NAV2: variants seen among roughly 807,000 people sequenced by gnomAD.
The protein encoded by NAV2 is helicase, APC down-regulated 1.
In NAV2, 54 loss-of-function variants were observed where a neutral mutation model predicts 223.2. That is an observed-to-expected ratio of 0.24 (90% CI 0.19 to 0.30). The LOEUF (loss-of-function observed/expected upper bound fraction) is 0.30, where lower values mean the gene tolerates loss of function less well. Among genes scored for constraint, NAV2 ranks in the 10% least tolerant of loss-of-function variants. NAV2 has a pLI of 1.00. For synonymous variants in NAV2, 1,279 were observed against 1,239.3 expected (o/e 1.03, Z -0.67); for missense variants, 2,806 against 3,147.5 (o/e 0.89, Z 2.60).
chr11:19,980,669 C>A (rs1348011487), intron 10 of NAV2, among the ~76,000 whole-genome samples: 1 of 152,220 alleles, frequency 6.6e-6, no homozygotes, highest in Non-Finnish European at 1.5e-5. Flanking sequence ...TTAAGGCCTT[C>A]ACTTTGTTAA....
intron 1 of NAV2, among the ~76,000 whole-genome samples, chr11:19,415,318 T>A (rs1850320073): frequency 6.6e-6 from 1 of 152,172 alleles, no homozygotes; most frequent in South Asian, 2.1e-4. Flanking sequence ...TATAAACACC[T>A]CTACGCAAAT....
intron 1 of NAV2, among the ~76,000 whole-genome samples, chr11:19,798,660 G>T (rs1270346818): frequency 3.9e-5 from 6 of 152,176 alleles, no homozygotes; most frequent in Non-Finnish European, 8.8e-5. Context: ...AACTGATACC[G>T]TGTCAAATAC....
intron 1 of NAV2, among the ~76,000 whole-genome samples, chr11:19,788,761 G>C (rs1014434317): frequency 6.6e-6 from 1 of 152,136 alleles, no homozygotes; most frequent in Non-Finnish European, 1.5e-5. Context: ...TCACCTGGGG[G>C]AGTTTGCCCA....
intron 22 of NAV2, among the ~76,000 whole-genome samples, chr11:20,070,645 C>T (rs958796916): frequency 1.3e-5 from 2 of 152,198 alleles, no homozygotes; most frequent in African/African-American, 4.8e-5. Flanking sequence ...TTCTCGCAAA[C>T]CAAGCTGTGT....
In NAV2 at chr11:19,480,598, C is replaced by G. The variant is rs114572772; in HGVS notation, c.75+129571C>G. Among the ~76,000 whole-genome samples, 786 of 152,230 alleles carry G rather than the reference C, an allele frequency of 5.2e-3. 3 individuals carry two copies. The highest frequency in any genetic ancestry group is 0.018 in the African/African-American group (759 of 41,536). On this transcript the variant is annotated intron_variant, in intron 1 of 37. Coordinates refer to the NAV2 transcript ENST00000360655. The stretch of plus-strand genomic sequence containing the variant: ...ATGGGGCCTGTTTGTTCTTCAAATC[C>G]AAGAAGAGAAGGGAAAATCATCATA...
At chr11:19,565,592 G>A (rs2045241623) in intron 1 of NAV2, among the ~76,000 whole-genome samples, 1 of 152,132 alleles carries the variant, frequency 6.6e-6, no homozygotes, top group South Asian at 2.1e-4. Context: ...CCTTTCATAG[G>A]TATCTGGAAT....
chr11:19,594,618 C>G (rs917224713), intron 1 of NAV2, among the ~76,000 whole-genome samples: 1 of 152,082 alleles, frequency 6.6e-6, no homozygotes, highest in Non-Finnish European at 1.5e-5. Context: ...CTTTCCATCT[C>G]CATATCTGTA....
chr11:19,620,239 G>C (rs1279374178), intron 1 of NAV2, among the ~76,000 whole-genome samples: 1 of 152,132 alleles, frequency 6.6e-6, no homozygotes, highest in African/African-American at 2.4e-5. Flanking sequence ...ACTTGGCAAT[G>C]TGGGCTCTTT....
intron 11 of NAV2, among the ~76,000 whole-genome samples, chr11:20,014,874 C>A (rs1298452430): frequency 1.3e-5 from 2 of 151,950 alleles, no homozygotes; most frequent in Non-Finnish European, 2.9e-5. Context: ...TGCACTCCAG[C>A]CTGGGTGACA....
intron 10 of NAV2, among the ~76,000 whole-genome samples, chr11:19,978,206 G>A (rs1261364241): frequency 6.6e-6 from 1 of 151,892 alleles, no homozygotes; most frequent in Non-Finnish European, 1.5e-5. Context: ...CCGGAGTGAA[G>A]TTGATTCATC....
chr11:19,863,974 A>G (rs1030179861), intron 3 of NAV2, among the ~76,000 whole-genome samples: 4 of 152,222 alleles, frequency 2.6e-5, no homozygotes, highest in Admixed American at 2.0e-4. Flanking sequence ...GGTCCCACAC[A>G]CTTCTGGGAG....
At chr11:19,795,809 G>A (rs1415274524) in intron 1 of NAV2, among the ~76,000 whole-genome samples, 1 of 152,222 alleles carries the variant, frequency 6.6e-6, no homozygotes, top group Non-Finnish European at 1.5e-5. Context: ...TTTGCCATGG[G>A]ACAAATTGTG....
intron 1 of NAV2, among the ~76,000 whole-genome samples, chr11:19,790,548 A>G (rs1051866007): frequency 6.6e-6 from 1 of 152,238 alleles, no homozygotes; most frequent in Non-Finnish European, 1.5e-5. Context: ...TGTTGCTTTC[A>G]TTGTTGTGAA....
chr11:20,080,959 C>A (rs1338756345), intron 25 of NAV2, among the ~76,000 whole-genome samples: 1 of 152,188 alleles, frequency 6.6e-6, no homozygotes, highest in Non-Finnish European at 1.5e-5. Context: ...GATTTGCTAT[C>A]CCTTGTCTTC....
intron 1 of NAV2, among the ~76,000 whole-genome samples, chr11:19,797,128 AGGAGAAT>A (rs2057958249): frequency 6.6e-6 from 1 of 152,180 alleles, no homozygotes; most frequent in Admixed American, 6.5e-5. Context: ...AGGATCGAGC[AGGAGAAT>A]GTGGGCCTGG....
At chr11:20,071,747 CTGTT>C (rs1318116816) in intron 22 of NAV2, among the ~76,000 whole-genome samples, 1 of 152,142 alleles carries the variant, frequency 6.6e-6, no homozygotes, top group Non-Finnish European at 1.5e-5. Flanking sequence ...TGAAAAGTGT[CTGTT>C]CATATCCTTC....
intron 1 of NAV2, among the ~76,000 whole-genome samples, chr11:19,366,466 T>C (rs1471880484): frequency 1.3e-5 from 2 of 152,104 alleles, no homozygotes; most frequent in Non-Finnish European, 1.5e-5. Context: ...AGTTTGCAGA[T>C]GAAGGGTACC....
chr11:19,364,160 G>A (rs1055001116), intron 1 of NAV2, among the ~76,000 whole-genome samples: 1 of 152,152 alleles, frequency 6.6e-6, no homozygotes, highest in African/African-American at 2.4e-5. Flanking sequence ...CCACCAAAGA[G>A]TCACCTCCTT....
intron 4 of NAV2, among the ~76,000 whole-genome samples, chr11:19,877,263 A>G (rs2062895392): frequency 6.6e-6 from 1 of 151,934 alleles, no homozygotes; most frequent in Non-Finnish European, 1.5e-5. Context: ...CCTGATACAC[A>G]CTGGTTAATA....
Sources: gnomAD v4.1 joint callset for allele counts (sites outside exome capture counted in the v4.1 genomes callset) on GRCh38, gnomAD v4.1.1 for gene constraint, MANE v1.5 for transcripts, NCBI Gene and HGNC (gene_info 2026-07-23, HGNC 2026-07-21) for gene names.